ZNF69: variants seen among roughly 807,000 people sequenced by gnomAD.
ZNF69 encodes the protein zinc finger protein 69, also known as ZNF3.
In ZNF69, 47 loss-of-function variants were observed where a neutral mutation model predicts 50.9. That is an observed-to-expected ratio of 0.92 (90% CI 0.73 to 1.18). ZNF69 has a LOEUF of 1.18. Among genes scored for constraint, ZNF69 ranks in the 50% most tolerant of loss-of-function variants. The probability of loss-of-function intolerance (pLI) is 0.00; values close to 1 mark genes in which losing one functional copy is unlikely to be tolerated. For missense variants in ZNF69, 717 were observed against 675.1 expected (o/e 1.06, Z -0.69); for synonymous variants, 216 against 223.1 (o/e 0.97, Z 0.29).
At chr19:11,968,054 G>A in the ZNF69 span, among the ~76,000 whole-genome samples, 2 of 152,198 alleles carry the variant, frequency 1.3e-5, no homozygotes, top group African/African-American at 2.4e-5. Context: ...TCTTCAGGCT[G>A]TTTTCTTAAT....
At chr19:11,941,373 C>T in the ZNF69 span, among the ~76,000 whole-genome samples, 15 of 152,308 alleles carry the variant, frequency 9.8e-5, no homozygotes, top group Admixed American at 2.0e-4. Flanking sequence ...AGGCTCGGGC[C>T]GCACAGGAGC....
chr19:11,905,049 G>C lies in ZNF69; in HGVS notation c.652G>C (p.Gly218Arg), dbSNP rs772459404. 6.2e-7 allele frequency: 1 copy of C among 1,614,122 alleles called. No individual in the cohort carries two copies. Among genetic ancestry groups the C allele is most frequent in the Admixed American group, 1.7e-5 (1 of 60,018 alleles). Residue 218 changes from glycine to arginine, a missense_variant, in exon 4 of 4, where the codon GGA becomes CGA. Transcript: ENST00000429654. ...ACACGTGGTAATGCACAGTGGGGAT[G>C]GACCTTATAAATGTAAATTTTGTGG... ...QRHVVMHSGD[G>R]PYKCKFCGKA...
At chr19:11,931,693 C>T in the ZNF69 span, among the ~76,000 whole-genome samples, 3 of 148,018 alleles carry the variant, frequency 2.0e-5, no homozygotes, top group Admixed American at 6.6e-5. Flanking sequence ...GATACTTAAT[C>T]TCCTTTTAAG....
downstream of ZNF69, among the ~76,000 whole-genome samples, chr19:11,917,621 C>T (rs1972533299): frequency 7.6e-6 from 1 of 132,074 alleles, no homozygotes; most frequent in Non-Finnish European, 1.6e-5. Flanking sequence ...CCCCACGCAT[C>T]TGAGAATTTA....
the ZNF69 span, among the ~76,000 whole-genome samples, chr19:11,969,172 T>G: frequency 1.3e-5 from 2 of 152,244 alleles, no homozygotes; most frequent in African/African-American, 4.8e-5. Context: ...CGGCGTGATC[T>G]CAGCTCACTG....
At position 11,904,787 on chromosome 19, in the gene ZNF69, G is replaced by A. The variant is rs1363872058; in HGVS notation, c.390G>A (p.Val130=). 1 of 1,613,922 alleles carries A rather than the reference G, an allele frequency of 6.2e-7. No homozygotes were observed. The highest frequency in any genetic ancestry group is 2.2e-5 in the East Asian group (1 of 44,880). Residue 130 remains valine (V), a synonymous_variant, in exon 4 of 4, where the codon GTG becomes GTA. Transcript: ENST00000429654. ...SPEIKSCDSF[V]CGEVGLGNSS... is the part of the protein sequence containing the mutation. ...AAATAAAATCATGTGACAGCTTTGT[G>A]TGTGGAGAAGTTGGCCTAGGTAACT...
chr19:11,923,172 T>G, the ZNF69 span, among the ~76,000 whole-genome samples: 1 of 152,216 alleles, frequency 6.6e-6, no homozygotes, highest in Non-Finnish European at 1.5e-5. Context: ...CAGCAGTTTA[T>G]TCCCTGACAG....
the ZNF69 span, chr19:11,979,430 A>AT: frequency 6.2e-7 from 1 of 1,601,382 alleles, no homozygotes; most frequent in East Asian, 2.3e-5. Flanking sequence ...ACAAACACAC[A>AT]TAAGAATACA....
the ZNF69 span, chr19:11,949,244 A>G: frequency 5.6e-6 from 9 of 1,613,860 alleles, no homozygotes; most frequent in Non-Finnish European, 6.8e-6. Context: ...TCCTTTCGAT[A>G]TCATGAAAGG....
chr19:11,946,094 C>G, the ZNF69 span, among the ~76,000 whole-genome samples: 4 of 152,160 alleles, frequency 2.6e-5, no homozygotes, highest in Non-Finnish European at 4.4e-5. Context: ...GAGCCTGGTC[C>G]CCCTTAGTCC....
chr19:11,961,625 C>CTTTTTTTT, the ZNF69 span: 9 of 151,742 alleles, frequency 5.9e-5, no homozygotes, highest in African/African-American at 1.7e-4. Flanking sequence ...CTTTCTTTTT[C>CTTTTTTTT]TTTTTCTGAG....
the ZNF69 span, among the ~76,000 whole-genome samples, chr19:11,954,804 G>C: frequency 1.3e-5 from 2 of 152,196 alleles, no homozygotes; most frequent in Admixed American, 1.3e-4. Context: ...CTGGGTAATT[G>C]AGTGAGGGCC....
exon 5 of ZNF69, chr19:11,913,436 T>C: frequency 1.8e-6 from 1 of 544,080 alleles, no homozygotes; most frequent in Non-Finnish European, 3.3e-6. Flanking sequence ...TCACCCAGGC[T>C]GGAGTGCAGT....
downstream of ZNF69, among the ~76,000 whole-genome samples, chr19:11,907,593 G>T (rs1972398009): frequency 6.6e-6 from 1 of 152,090 alleles, no homozygotes; most frequent in African/African-American, 2.4e-5. Flanking sequence ...AAGTGAAGGA[G>T]AAATAAAATC....
chr19:11,904,951 ATCACAC>A lies in ZNF69; in HGVS notation c.556_561del (p.His186_Thr187del). ...CCCTCCTTTAGAACACCACAAAGGG[ATCACAC>A]TGGAGAGAAACCCTATGCTTGTAAA... On this transcript the variant is annotated inframe_deletion, in exon 4 of 4. Coordinates refer to ENST00000429654, the MANE Select transcript of ZNF69 (RefSeq NM_001364730.1). The A allele has an allele frequency of 6.2e-7, 1 of 1,614,252 alleles. No homozygotes were observed. Among genetic ancestry groups the A allele is most frequent in the Non-Finnish European group, 8.5e-7 (1 of 1,180,040 alleles).
At chr19:11,957,988 G>A in the ZNF69 span, among the ~76,000 whole-genome samples, 1 of 152,166 alleles carries the variant, frequency 6.6e-6, no homozygotes, top group African/African-American at 2.4e-5. Flanking sequence ...AATATCTAGT[G>A]GGTGTCTGGT....
At chr19:11,948,926 T>C in the ZNF69 span, 1 of 1,607,284 alleles carries the variant, frequency 6.2e-7, no homozygotes, top group Non-Finnish European at 8.5e-7. Context: ...AGAAGTCACA[T>C]GGGAGAGAAG....
At chr19:11,962,037 A>G in the ZNF69 span, among the ~76,000 whole-genome samples, 8 of 152,192 alleles carry the variant, frequency 5.3e-5, no homozygotes, top group Admixed American at 3.3e-4. Context: ...TCATAGCCCA[A>G]GATTTTGGTC....
At chr19:11,978,929 G>A in the ZNF69 span, 543 of 1,614,102 alleles carry the variant, frequency 3.4e-4, 5 homozygotes, top group African/African-American at 5.7e-3. Flanking sequence ...GGAGTCACAC[G>A]GGAGAGAAGC....
Sources: gnomAD v4.1 joint callset for allele counts (sites outside exome capture counted in the v4.1 genomes callset) on GRCh38, gnomAD v4.1.1 for gene constraint, MANE v1.5 for transcripts, NCBI Gene and HGNC (gene_info 2026-07-23, HGNC 2026-07-21) for gene names.